GFI1: variants seen among roughly 807,000 people sequenced by gnomAD.
GFI1 encodes the protein growth factor independent 1 transcriptional repressor, also known as zinc finger protein Gfi-1.
In GFI1, 15 loss-of-function variants were observed where a neutral mutation model predicts 39.2. The ratio of observed to expected loss-of-function variants is 0.38; its 90% CI spans 0.26 to 0.59. The LOEUF (loss-of-function observed/expected upper bound fraction) is 0.59, where lower values mean the gene tolerates loss of function less well. Among genes scored for constraint, GFI1 ranks in the 20% least tolerant of loss-of-function variants. The pLI, the probability that GFI1 is intolerant of heterozygous loss-of-function variation, is 0.62. For missense variants in GFI1, 475 were observed against 574.0 expected (o/e 0.83, Z 1.76); for synonymous variants, 239 against 254.3 (o/e 0.94, Z 0.57).
chr1:92,478,781 G>GAGAA, intron 5 of GFI1, 28 bp from the exon 6 acceptor site: 1 of 1,610,376 alleles, frequency 6.2e-7, no homozygotes, highest in South Asian at 1.1e-5. Context: ...GAGAGAGAGA[G>GAGAA]AGAGAGAGAG....
At chr1:92,479,304 A>C (rs1386829813) in intron 5 of GFI1, among the ~76,000 whole-genome samples, 1 of 152,154 alleles carries the variant, frequency 6.6e-6, no homozygotes, top group Non-Finnish European at 1.5e-5. Flanking sequence ...CTTAGACCTC[A>C]GTCACTTGAG....
Position 92,482,014 on chromosome 1 carries a change from C to G in GFI1, c.298+850G>C, listed in dbSNP as rs1240723069. ...GAGAGGCTGTACCCGGAGTTTCGTT[C>G]GGAGGGGTTCGGGGCGCGCCCAATC... On this transcript the variant is annotated intron_variant, in intron 3 of 6. Coordinates refer to ENST00000294702, the MANE Select transcript of GFI1 (RefSeq NM_005263.5). The surrounding 1 kb of genome is among the most constrained non-coding windows in gnomAD (Gnocchi z 4.4). 3.3e-5 allele frequency among the ~76,000 whole-genome samples: 5 copies of G among 151,468 alleles called. No homozygotes were observed. Among genetic ancestry groups the G allele is most frequent in the African/African-American group, 1.2e-4 (5 of 41,176 alleles).
At chr1:92,478,894 TCTC>T in intron 5 of GFI1, 141 bp from the exon 6 acceptor site, 2 of 1,126,184 alleles carry the variant, frequency 1.8e-6, no homozygotes, top group African/African-American at 3.1e-5. Context: ...TTTGAGACAG[TCTC>T]CTCTGTCGCC....
chr1:92,478,947 C>T (rs1467379398), intron 5 of GFI1, among the ~76,000 whole-genome samples, 194 bp from the exon 6 acceptor site: 4 of 152,100 alleles, frequency 2.6e-5, no homozygotes, highest in Non-Finnish European at 5.9e-5. Flanking sequence ...TTCACTGCAC[C>T]CTCCACCTCC....
At position 92,475,808 on chromosome 1, in the gene GFI1, T is replaced by G. The variant is rs1657933791; in HGVS notation, c.*221A>C. 1.7e-6 allele frequency: 1 copy of G among 586,496 alleles called. No homozygotes were observed. Among genetic ancestry groups the G allele is most frequent in the Admixed American group, 2.9e-5 (1 of 34,906 alleles). The allele number at this position is 586,496 out of a possible 1,614,324, so 36.3% of individuals were successfully genotyped here. A position where few individuals can be genotyped will look rare whatever the true frequency, so the allele number is the denominator to read the frequency against. ...TTGTGTCCGAAGCCTAGAGAGTCAC[T>G]TGGTTCTCACTCTCGGCTGCACTTT... On this transcript the variant is annotated 3_prime_UTR_variant, in exon 7 of 7. Transcript: ENST00000294702.
intron 1 of GFI1, among the ~76,000 whole-genome samples, 156 bp downstream of exon 1, chr1:92,486,570 C>G (rs1308047549): frequency 6.6e-6 from 1 of 151,172 alleles, no homozygotes; most frequent in Non-Finnish European, 1.5e-5. Flanking sequence ...GCACCACCCC[C>G]GGGTCGGGAC....
In GFI1 at chr1:92,475,790, C is replaced by G; in HGVS notation, c.*239G>C. 9.0e-6 allele frequency: 5 copies of G among 557,250 alleles called. No homozygotes were observed. The highest frequency in any genetic ancestry group is 1.6e-5 in the Non-Finnish European group (5 of 309,302). The allele number at this position is 557,250 out of a possible 1,614,324, so 34.5% of individuals were successfully genotyped here. On this transcript the variant is annotated 3_prime_UTR_variant, in exon 7 of 7. Coordinates refer to ENST00000294702, the MANE Select transcript of GFI1 (RefSeq NM_005263.5). The stretch of plus-strand genomic sequence containing the variant: ...AGGTGTAGAGGAGCCTATTTGTGTC[C>G]GAAGCCTAGAGAGTCACTTGGTTCT...
intron 6 of GFI1, among the ~76,000 whole-genome samples, chr1:92,477,455 T>A (rs920983811): frequency 1.3e-5 from 2 of 152,254 alleles, no homozygotes; most frequent in African/African-American, 2.4e-5. Context: ...GTGTTTAGAA[T>A]ACACTGTGAT....
intron 6 of GFI1, among the ~76,000 whole-genome samples, chr1:92,477,243 C>T (rs1318292887): frequency 1.3e-5 from 2 of 152,124 alleles, no homozygotes; most frequent in African/African-American, 2.4e-5. Context: ...CTAGGTATAA[C>T]GTAAATGTTT....
In GFI1 at chr1:92,482,256, C is replaced by T. The variant is rs139330998; in HGVS notation, c.298+608G>A. Among the ~76,000 whole-genome samples the T allele has an allele frequency of 2.4e-3, 366 of 152,228 alleles. 5 individuals carry two copies. The highest frequency in any genetic ancestry group is 0.016 in the East Asian group (83 of 5,160). On this transcript the variant is annotated intron_variant, in intron 3 of 6. Transcript: ENST00000294702. The surrounding 1 kb of genome is among the most constrained non-coding windows in gnomAD (Gnocchi z 4.4). ...TTCCCCCGGCCGGGACTCGAGACGC[C>T]CCCACCCAACGTGTGGTCACTTAGT...
intron 2 of GFI1, 67 bp from the exon 3 acceptor site, chr1:92,483,113 C>T (rs969335327): frequency 1.5e-6 from 2 of 1,379,144 alleles, no homozygotes; most frequent in Non-Finnish European, 2.0e-6. Context: ...CTGAAGGCTC[C>T]CCCAATCCCC....
chr1:92,479,857 GAAAAGAA>G (rs1430347616), intron 5 of GFI1, among the ~76,000 whole-genome samples: 1 of 151,578 alleles, frequency 6.6e-6, no homozygotes, highest in Non-Finnish European at 1.5e-5. Flanking sequence ...TGAAAGAAAA[GAAAAGAA>G]AAAAGAAAAG....
Position 92,480,582 on chromosome 1 carries a change from G to A in GFI1, c.786+19C>T, listed in dbSNP as rs750502057. The A allele has an allele frequency of 6.5e-7, 1 of 1,541,708 alleles. No individual in the cohort carries two copies. The highest frequency in any genetic ancestry group is 1.2e-5 in the South Asian group (1 of 84,200). On this transcript the variant is annotated intron_variant, in intron 4 of 6. Transcript: ENST00000294702. This position sits in a 1 kb window ranked among gnomAD's most constrained non-coding sequence, Gnocchi z 5.6. Reference sequence around the variant, plus strand: ...AAGCGGGCGCACGGCAGGCGAGGTGGTGAGCTCGGGAGCCTCACCTTGCTG... The same window carrying A: ...AAGCGGGCGCACGGCAGGCGAGGTGATGAGCTCGGGAGCCTCACCTTGCTG...
chr1:92,475,073 G>A lies in GFI1; in HGVS notation c.*956C>T, dbSNP rs1172854770. On this transcript the variant is annotated 3_prime_UTR_variant, in exon 7 of 7. Coordinates refer to ENST00000294702, the MANE Select transcript of GFI1 (RefSeq NM_005263.5). ...AAAATCCAAAAGGGTCAAAAGGGAA[G>A]GTTTACAATTCTGTGCTGTCTTCTC... is the stretch of plus-strand genomic sequence containing the variant. 6.6e-6 allele frequency: 1 copy of A among 152,192 alleles called. No homozygotes were observed. Among genetic ancestry groups the A allele is most frequent in the Non-Finnish European group, 1.5e-5 (1 of 68,046 alleles). 9.4% of individuals were successfully genotyped at this position (152,192 alleles called of 1,614,324 possible). A position where few individuals can be genotyped will look rare whatever the true frequency, so the allele number is the denominator to read the frequency against.
In GFI1 at chr1:92,483,400, C is replaced by T; in HGVS notation, c.88G>A (p.Glu30Lys). 4.3e-6 allele frequency: 7 copies of T among 1,612,288 alleles called. No homozygotes were observed. The highest frequency in any genetic ancestry group is 5.1e-6 in the Non-Finnish European group (6 of 1,178,490). ...SPGPDYSLRLENVPAPSRADS... is the reference protein window; with the variant it reads ...SPGPDYSLRLKNVPAPSRADS... The stretch of plus-strand genomic sequence containing the variant: ...GCTCGGCTAGGCGCCGGTACATTCT[C>T]TAAACGGAGGGAATAGTCTGGTCCT... The change falls in exon 2 of 7, where the codon GAG (glutamate) becomes AAG (lysine). Residue 30 changes from glutamate to lysine, a missense_variant. By Grantham distance (56) the Glu-to-Lys change is moderately conservative. Around this residue, in one of 4 missense-constraint regions of GFI1, gnomAD observed 275 missense variants for 275.8 expected, o/e 1.00. Transcript: ENST00000294702.
rs2101582188 is a variant in GFI1 at position 92,483,379 on chromosome 1, G to C, written c.109C>G (p.Arg37Gly). Residue 37 changes from arginine (R) to glycine (G), a missense_variant, in exon 2 of 7, where the codon CGA (arginine) becomes GGA (glycine). Physicochemically the swap from Arg to Gly is moderately radical, Grantham distance 125. Transcript: ENST00000294702. ...LRLENVPAPS[R>G]ADSTSNAGGA... ...GCCCGCGCGCGCCTCGCACCTGCTCGGCTAGGCGCCGGTACATTCTCTAAA... is the reference window on the plus strand; with the variant it reads ...GCCCGCGCGCGCCTCGCACCTGCTCCGCTAGGCGCCGGTACATTCTCTAAA... 1.3e-6 allele frequency: 2 copies of C among 1,599,886 alleles called. No individual in the cohort carries two copies. The highest frequency in any genetic ancestry group is 1.7e-6 in the Non-Finnish European group (2 of 1,168,080).
At chr1:92,477,706 T>C (rs1049555906) in intron 6 of GFI1, among the ~76,000 whole-genome samples, 3 of 152,248 alleles carry the variant, frequency 2.0e-5, no homozygotes, top group South Asian at 2.1e-4. Context: ...CAGCTCCTTC[T>C]ACTTTCTTGA....
In GFI1 at chr1:92,475,444, A is replaced by T. The variant is rs181450055; in HGVS notation, c.*585T>A. On this transcript the variant is annotated 3_prime_UTR_variant, in exon 7 of 7. Transcript: ENST00000294702. ...AAGTATTAAATTCCTTCCCCAAGTC[A>T]GTTTCTGAATCAGTTTTTGAGGAGG... 6.2e-6 allele frequency: 1 copy of T among 160,790 alleles called. No homozygotes were observed. The highest frequency in any genetic ancestry group is 5.8e-5 in the Admixed American group (1 of 17,196). 10.0% of individuals were successfully genotyped at this position (160,790 alleles called of 1,614,324 possible). A position where few individuals can be genotyped will look rare whatever the true frequency, so the allele number is the denominator to read the frequency against.
Position 92,485,520 on chromosome 1 carries a change from C to T in GFI1, c.-100+1206G>A, listed in dbSNP as rs559617635. The stretch of plus-strand genomic sequence containing the variant: ...GTAAGCCCACGCCTCTCTCGCACCC[C>T]GGCCCGCTTTGCTGGTTCCTGTGGG... On this transcript the variant is annotated intron_variant, in intron 1 of 6. Transcript: ENST00000294702. 1.2e-4 allele frequency among the ~76,000 whole-genome samples: 19 copies of T among 152,280 alleles called. No homozygotes were observed. The South Asian group carries it at 3.3e-3, about 27-fold the overall frequency.
Sources: gnomAD v4.1 joint callset for allele counts (sites outside exome capture counted in the v4.1 genomes callset) on GRCh38, gnomAD v4.1.1 for gene constraint, gnomAD v4.1.1 regional missense constraint, Gnocchi (gnomAD v3.1) non-coding constraint, MANE v1.5 for transcripts, NCBI Gene and HGNC (gene_info 2026-07-23, HGNC 2026-07-21) for gene names.